MCM9: variants seen among roughly 807,000 people sequenced by gnomAD.
MCM9 encodes the protein DNA helicase MCM9.
In MCM9, 55 loss-of-function variants were observed where a neutral mutation model predicts 72.8. The ratio of observed to expected loss-of-function variants is 0.76; its 90% CI spans 0.61 to 0.95. MCM9 has a LOEUF of 0.95. MCM9 is among the 40% of genes least tolerant of loss of function. The pLI is 0.00. For missense variants in MCM9, 1,279 were observed against 1,377.0 expected (o/e 0.93, Z 1.13); for synonymous variants, 480 against 503.4 (o/e 0.95, Z 0.62).
At position 118,933,964 on chromosome 6, in the gene MCM9, C is replaced by CAAAAA. The variant is rs58109173; in HGVS notation, c.-150+922_-150+926dup. ...ATATCTCCACAATGTGGACTTTGCC[C>CAAAAA]AAAAAAAAAAAAAAAAAAATCTGGA... On this transcript the variant is annotated intron_variant, in intron 1 of 13. Transcript: ENST00000619706. 2.6e-4 allele frequency among the ~76,000 whole-genome samples: 26 copies of CAAAAA among 100,316 alleles called. 9 individuals carry two copies. The highest frequency in any genetic ancestry group is 6.7e-4 in the East Asian group (2 of 2,980). 65.8% of individuals were successfully genotyped at this position (100,316 alleles called of 152,430 possible).
chr6:118,837,197 G>A (rs959482615), intron 9 of MCM9, among the ~76,000 whole-genome samples: 4 of 152,160 alleles, frequency 2.6e-5, no homozygotes, highest in Non-Finnish European at 5.9e-5. Flanking sequence ...TTAATCCTGA[G>A]TTCTAATTTG....
intron 8 of MCM9, among the ~76,000 whole-genome samples, chr6:118,904,559 C>T (rs1287566748): frequency 6.6e-6 from 1 of 152,210 alleles, no homozygotes. Flanking sequence ...TTACTACCTG[C>T]ACCCTACCAC....
intron 9 of MCM9, among the ~76,000 whole-genome samples, chr6:118,832,724 A>G (rs1774659306): frequency 6.6e-6 from 1 of 152,182 alleles, no homozygotes; most frequent in South Asian, 2.1e-4. Context: ...AGTTATTTTT[A>G]CCAGTAAAGA....
In MCM9 at chr6:118,816,114, T is replaced by C; in HGVS notation, c.2142A>G (p.Leu714=). 1.3e-6 allele frequency: 2 copies of C among 1,550,422 alleles called. No individual in the cohort carries two copies. Among genetic ancestry groups the C allele is most frequent in the Non-Finnish European group, 1.7e-6 (2 of 1,146,892 alleles). The part of the protein sequence containing the change: ...PGGSPEGSPV[L]DPPPHLEPNR... ...TAGGCTCCAGATGCGGTGGGGGATC[T>C]AGAACTGGGCTTCCCTCGGGGCTGC... Residue 714 remains leucine, a synonymous_variant, in exon 14 of 14, where the codon CTA becomes CTG. Coordinates refer to ENST00000619706, the MANE Select transcript of MCM9 (RefSeq NM_017696.3).
At chr6:118,910,222 T>A (rs1289591893) in intron 8 of MCM9, among the ~76,000 whole-genome samples, 1 of 152,156 alleles carries the variant, frequency 6.6e-6, no homozygotes, top group Non-Finnish European at 1.5e-5. Context: ...TTTTGGTTTT[T>A]TTTTAATTGT....
intron 2 of MCM9, 21 bp from the exon 3 acceptor site, chr6:118,931,759 C>G: frequency 1.3e-6 from 2 of 1,512,302 alleles, no homozygotes; most frequent in Non-Finnish European, 1.8e-6. Context: ...AAAAAAGGAT[C>G]ATATTATATA....
chr6:118,902,403 T>G (rs1779860701), intron 8 of MCM9, among the ~76,000 whole-genome samples: 1 of 152,192 alleles, frequency 6.6e-6, no homozygotes, highest in African/African-American at 2.4e-5. Flanking sequence ...TTTATTCTCT[T>G]AACTTCTTGA....
intron 8 of MCM9, among the ~76,000 whole-genome samples, chr6:118,862,179 G>C (rs899052699): frequency 6.6e-6 from 1 of 152,332 alleles, no homozygotes. Flanking sequence ...GGGAAGGGGG[G>C]CTTCCTGGGC....
chr6:118,881,265 T>A (rs1324948095), intron 8 of MCM9, among the ~76,000 whole-genome samples: 2 of 152,114 alleles, frequency 1.3e-5, no homozygotes, highest in Non-Finnish European at 2.9e-5. Context: ...ACCCTAACTT[T>A]CCTGAGCCCC....
At chr6:118,902,103 A>G (rs1779829868) in intron 8 of MCM9, among the ~76,000 whole-genome samples, 1 of 152,236 alleles carries the variant, frequency 6.6e-6, no homozygotes, top group African/African-American at 2.4e-5. Context: ...AAATATATGA[A>G]TTAAAAGTGC....
At chr6:118,835,277 G>A (rs1774878092) in intron 9 of MCM9, among the ~76,000 whole-genome samples, 2 of 152,166 alleles carry the variant, frequency 1.3e-5, no homozygotes, top group Non-Finnish European at 2.9e-5. Context: ...TTGAAGTCAG[G>A]TAGTGTGATG....
At chr6:118,842,495 A>T (rs895832358) in intron 9 of MCM9, among the ~76,000 whole-genome samples, 2 of 152,112 alleles carry the variant, frequency 1.3e-5, no homozygotes, top group Non-Finnish European at 2.9e-5. Context: ...TGCACAGTTT[A>T]AAAAAAGCAG....
intron 6 of MCM9, 98 bp from the exon 7 acceptor site, chr6:118,913,518 T>C (rs2114268113): frequency 2.1e-6 from 3 of 1,443,452 alleles, no homozygotes; most frequent in Non-Finnish European, 2.9e-6. Context: ...CATTTAAATA[T>C]ACTCTACTAT....
intron 8 of MCM9, among the ~76,000 whole-genome samples, chr6:118,888,411 T>C (rs925562865): frequency 4.6e-5 from 7 of 152,078 alleles, no homozygotes; most frequent in Non-Finnish European, 8.8e-5. Context: ...GGTGTGAACC[T>C]GGGAGGCAGA....
intron 8 of MCM9, among the ~76,000 whole-genome samples, chr6:118,871,538 T>C (rs576408181): frequency 1.3e-5 from 2 of 152,286 alleles, no homozygotes; most frequent in African/African-American, 2.4e-5. Flanking sequence ...TGGTGAAAAG[T>C]TGAAGGCTTT....
chr6:118,901,023 G>T, intron 8 of MCM9: 1 of 613,078 alleles, frequency 1.6e-6, no homozygotes. Flanking sequence ...TTTCCATCAT[G>T]TTTTAGGCAG....
intron 8 of MCM9, among the ~76,000 whole-genome samples, chr6:118,868,801 C>T (rs1777389341): frequency 6.6e-6 from 1 of 152,140 alleles, no homozygotes; most frequent in Admixed American, 6.5e-5. Context: ...AATAGGAATG[C>T]TTTTACACTG....
chr6:118,835,661 T>C lies in MCM9; in HGVS notation c.1326-6411A>G, dbSNP rs372859068. Reference sequence around the variant, plus strand: ...ATTTGGCTCTCTGCTTGTCTATTACTGGTGTATAGCAATGCTTGTGAATTT... The same window carrying C: ...ATTTGGCTCTCTGCTTGTCTATTACCGGTGTATAGCAATGCTTGTGAATTT... On this transcript the variant is annotated intron_variant, in intron 9 of 13. Transcript: ENST00000619706. Among the ~76,000 whole-genome samples, 6 of 152,208 alleles carry C rather than the reference T, an allele frequency of 3.9e-5. No individual in the cohort carries two copies. In the South Asian group the frequency reaches 8.3e-4, roughly 21 times the overall value.
chr6:118,909,633 A>AT (rs1780395879), intron 8 of MCM9, among the ~76,000 whole-genome samples: 1 of 152,168 alleles, frequency 6.6e-6, no homozygotes, highest in Admixed American at 6.5e-5. Flanking sequence ...CATTAAGGGT[A>AT]TTATTTGGGC....
Sources: gnomAD v4.1 joint callset for allele counts (sites outside exome capture counted in the v4.1 genomes callset) on GRCh38, gnomAD v4.1.1 for gene constraint, MANE v1.5 for transcripts, NCBI Gene and HGNC (gene_info 2026-07-23, HGNC 2026-07-21) for gene names.